MYNN: variants seen among roughly 807,000 people sequenced by gnomAD.
MYNN encodes myoneurin.
MYNN carries 22 observed loss-of-function variants against 57.2 expected under a neutral mutation model. The observed-to-expected ratio is 0.38, with a 90% CI of 0.27 to 0.55. The LOEUF is 0.55. Ranked by LOEUF, MYNN falls within the 20% of genes least tolerant of loss-of-function variation. The probability of loss-of-function intolerance (pLI) is 0.71; values close to 1 mark genes in which losing one functional copy is unlikely to be tolerated. For missense variants in MYNN, 566 were observed against 723.1 expected (o/e 0.78, Z 2.49); for synonymous variants, 241 against 257.1 (o/e 0.94, Z 0.60).
intron 3 of MYNN, 81 bp from the exon 4 acceptor site, chr3:169,780,509 A>T: frequency 1.0e-6 from 1 of 965,848 alleles, no homozygotes; most frequent in Non-Finnish European, 1.5e-6. Context: ...TAACAAAGCT[A>T]GTACTGTTGA....
chr3:169,775,534 TCA>T (rs1019504408), intron 2 of MYNN, among the ~76,000 whole-genome samples: 1 of 152,200 alleles, frequency 6.6e-6, no homozygotes, highest in African/African-American at 2.4e-5. Flanking sequence ...TCTCTGGGCC[TCA>T]GTTTCCCCAT....
chr3:169,781,833 T>C (rs996782565), intron 4 of MYNN, among the ~76,000 whole-genome samples: 2 of 151,980 alleles, frequency 1.3e-5, no homozygotes, highest in African/African-American at 4.8e-5. Context: ...GATAGAACAC[T>C]TGGAGTCTCA....
At chr3:169,781,772 C>A (rs1577398797) in intron 4 of MYNN, among the ~76,000 whole-genome samples, 1 of 152,090 alleles carries the variant, frequency 6.6e-6, no homozygotes, top group Non-Finnish European at 1.5e-5. Context: ...GTCAGCAGTG[C>A]TCTTGACAAA....
At position 169,788,429 on chromosome 3, in the gene MYNN, TAGGA is replaced by T. The variant is rs1440309786; in HGVS notation, c.*1753_*1756del. 6.6e-6 allele frequency: 1 copy of T among 152,180 alleles called. No homozygotes were observed. The highest frequency in any genetic ancestry group is 1.5e-5 in the Non-Finnish European group (1 of 67,992). 9.4% of individuals were successfully genotyped at this position (152,180 alleles called of 1,614,324 possible). On this transcript the variant is annotated 3_prime_UTR_variant, in exon 8 of 8. Coordinates refer to ENST00000349841, the MANE Select transcript of MYNN (RefSeq NM_018657.5). ...CTAATCTCTTCTGGGTTAAATGTGA[TAGGA>T]ATGTATTGGAATGTGAAGAAATTAT...
intron 6 of MYNN, 32 bp downstream of exon 6, chr3:169,783,592 G>C: frequency 6.8e-7 from 1 of 1,470,086 alleles, no homozygotes; most frequent in Non-Finnish European, 9.5e-7. Flanking sequence ...ATTATTTTTT[G>C]TTCTCTCTTA....
rs765062823 is a variant in MYNN at position 169,774,546 on chromosome 3, C to T, written c.251C>T (p.Thr84Ile). 1 of 1,611,346 alleles carries T rather than the reference C, an allele frequency of 6.2e-7. No individual in the cohort carries two copies. The highest frequency in any genetic ancestry group is 8.5e-7 in the Non-Finnish European group (1 of 1,177,968). The change falls in exon 2 of 8, where the codon ACT (threonine) becomes ATT (isoleucine). Residue 84 changes from threonine (T) to isoleucine (I), a missense_variant. Around this residue, in one of 4 missense-constraint regions of MYNN, gnomAD observed 261 missense variants for 280.8 expected, o/e 0.93. Coordinates refer to ENST00000349841, the MANE Select transcript of MYNN (RefSeq NM_018657.5). Reference protein sequence around the residue: ...QKLLEFIYTGTLNLDSWNVKE... With the variant: ...QKLLEFIYTGILNLDSWNVKE... ...CTGTTGGAGTTTATATACACAGGAA[C>T]TTTAAATCTTGACAGGTAAAGTACA...
intron 2 of MYNN, among the ~76,000 whole-genome samples, chr3:169,775,557 G>A (rs1412324872): frequency 2.0e-5 from 3 of 152,152 alleles, no homozygotes; most frequent in African/African-American, 7.2e-5. Flanking sequence ...CTGTCAAAAT[G>A]AGATGGTAAT....
In MYNN at chr3:169,782,717, G is replaced by A. The variant is rs541917451; in HGVS notation, c.1399+74G>A. 9.8e-5 allele frequency: 120 copies of A among 1,222,724 alleles called. No individual in the cohort carries two copies. In the Middle Eastern group the frequency reaches 2.2e-3, roughly 23 times the overall value. 75.7% of individuals were successfully genotyped at this position (1,222,724 alleles called of 1,614,324 possible). ...AAAAAGGGGACTTGGGCCTTTTAGC[G>A]AAGTAGATCGGAAACTTTGTAGTTA... is the stretch of plus-strand genomic sequence containing the variant. On this transcript the variant is annotated intron_variant, in intron 5 of 7. Coordinates refer to ENST00000349841, the MANE Select transcript of MYNN (RefSeq NM_018657.5). This position sits in a 1 kb window ranked among gnomAD's most constrained non-coding sequence, Gnocchi z 4.8.
chr3:169,787,488 A>G lies in MYNN; in HGVS notation c.*810A>G, dbSNP rs1199630350. The G allele has an allele frequency of 1.3e-5, 2 of 152,126 alleles. No homozygotes were observed. Among genetic ancestry groups the G allele is most frequent in the African/African-American group, 4.8e-5 (2 of 41,450 alleles). The allele number at this position is 152,126 out of a possible 1,614,324, so 9.4% of individuals were successfully genotyped here. A position where few individuals can be genotyped will look rare whatever the true frequency, so the allele number is the denominator to read the frequency against. On this transcript the variant is annotated 3_prime_UTR_variant, in exon 8 of 8. Transcript: ENST00000349841. Reference sequence around the variant, plus strand: ...GGAAAATGTACTTGAGTTTTGAAATATTTTGGTAAGCCTCTCTTACTCCTG... The same window carrying G: ...GGAAAATGTACTTGAGTTTTGAAATGTTTTGGTAAGCCTCTCTTACTCCTG...
Position 169,774,982 on chromosome 3 carries a change from G to A in MYNN, c.266+421G>A, listed in dbSNP as rs576934527. ...GCCTCCCTAGTAACTGGGACTACAG[G>A]TGTGCACTACCACACCTGGCTAATT... On this transcript the variant is annotated intron_variant, in intron 2 of 7. Transcript: ENST00000349841. 6.6e-5 allele frequency among the ~76,000 whole-genome samples: 10 copies of A among 152,196 alleles called. No individual in the cohort carries two copies. In the East Asian group the frequency reaches 1.9e-3, roughly 29 times the overall value.
At position 169,784,645 on chromosome 3, in the gene MYNN, T is replaced by G; in HGVS notation, c.1507T>G (p.Leu503Val). 1 of 1,576,468 alleles carries G rather than the reference T, an allele frequency of 6.3e-7. No individual in the cohort carries two copies. The highest frequency in any genetic ancestry group is 1.2e-5 in the South Asian group (1 of 84,694). The change falls in exon 7 of 8, where the codon TTA (leucine) becomes GTA (valine). Residue 503 changes from leucine to valine, a missense_variant. Physicochemically the swap from Leu to Val is conservative, Grantham distance 32. Around this residue, in one of 4 missense-constraint regions of MYNN, gnomAD observed 156 missense variants for 163.9 expected, o/e 0.95. Transcript: ENST00000349841. ...HTGERPFICELCGNSYTDIKN... is the reference protein window; with the variant it reads ...HTGERPFICEVCGNSYTDIKN... ...AGGAGAAAGACCATTTATCTGCGAA[T>G]TATGTGGAAATTCTTACACAGATAT...
Position 169,783,917 on chromosome 3 carries a change from G to A in MYNN, c.1483+357G>A. On this transcript the variant is annotated intron_variant, in intron 6 of 7. Transcript: ENST00000349841. Reference sequence around the variant, plus strand: ...AACAGTGTTTAGTATGCAATTTTTAGGAACAAATTTTAATTTTGACATGCT... The same window carrying A: ...AACAGTGTTTAGTATGCAATTTTTAAGAACAAATTTTAATTTTGACATGCT... 12 of 241,784 alleles carry A rather than the reference G, an allele frequency of 5.0e-5. No individual in the cohort carries two copies. The East Asian group carries it at 6.4e-4, about 13-fold the overall frequency. The allele number at this position is 241,784 out of a possible 1,614,324, so 15.0% of individuals were successfully genotyped here.
At chr3:169,774,662 T>C (rs1560584960) in intron 2 of MYNN, 101 bp downstream of exon 2, 1 of 1,090,640 alleles carries the variant, frequency 9.2e-7, no homozygotes, top group African/African-American at 1.6e-5. Flanking sequence ...ACTCAAATTC[T>C]TCACCTATTT....
intron 6 of MYNN, 99 bp downstream of exon 6, chr3:169,783,659 T>TC: frequency 1.2e-6 from 1 of 818,194 alleles, no homozygotes; most frequent in Non-Finnish European, 2.2e-6. Flanking sequence ...TGGTATTTAG[T>TC]CATACTGTAC....
intron 4 of MYNN, among the ~76,000 whole-genome samples, chr3:169,781,632 A>G (rs916131670): frequency 6.6e-6 from 1 of 152,194 alleles, no homozygotes; most frequent in Non-Finnish European, 1.5e-5. Context: ...GTAGAGGAGG[A>G]AAACCAGGAA....
rs748585458 is a variant in MYNN, at chr3:169,782,574, G to A, written c.1330G>A (p.Val444Ile). 56 of 1,613,902 alleles carry A rather than the reference G, an allele frequency of 3.5e-5. 2 individuals carry two copies. In the South Asian group the frequency reaches 4.8e-4, roughly 14 times the overall value. ...TAGGCATACTGGAGAAAAGCCTTAT[G>A]TATGTGATACCTGTGGGAAGGCATT... ...VRRHTGEKPY[V>I]CDTCGKAFAV... The change falls in exon 5 of 8, where the codon GTA becomes ATA. Residue 444 changes from valine (V) to isoleucine (I), a missense_variant. By Grantham distance (29) the Val-to-Ile change is conservative. Coordinates refer to ENST00000349841, the MANE Select transcript of MYNN (RefSeq NM_018657.5). This position sits in a 1 kb window ranked among gnomAD's most constrained non-coding sequence, Gnocchi z 4.8.
intron 2 of MYNN, among the ~76,000 whole-genome samples, chr3:169,775,133 A>C (rs560333278): frequency 6.6e-6 from 1 of 152,100 alleles, no homozygotes; most frequent in African/African-American, 2.4e-5. Flanking sequence ...TGTCTCCCTC[A>C]TTCTGACTCC....
rs942162144 is a variant in MYNN, at chr3:169,787,968, T to A, written c.*1290T>A. 6 of 151,904 alleles carry A rather than the reference T, an allele frequency of 3.9e-5. No homozygotes were observed. Among genetic ancestry groups the A allele is most frequent in the Admixed American group, 3.9e-4 (6 of 15,226 alleles). 9.4% of individuals were successfully genotyped at this position (151,904 alleles called of 1,614,324 possible). ...AACAGCATGGTGATATTCTTTTTCT[T>A]TTTTTTTCCCCCCACAAGGCTGTTG... On this transcript the variant is annotated 3_prime_UTR_variant, in exon 8 of 8. Coordinates refer to ENST00000349841, the MANE Select transcript of MYNN (RefSeq NM_018657.5).
At chr3:169,773,919 C>T in intron 1 of MYNN, 1 of 194,328 alleles carries the variant, frequency 5.1e-6, no homozygotes, top group Non-Finnish European at 1.1e-5. Context: ...CCCAAGAGAT[C>T]ATGTCTTAGT....
Sources: allele counts gnomAD v4.1 joint callset (sites outside exome capture counted in the v4.1 genomes callset), GRCh38; gene constraint gnomAD v4.1.1; regional missense constraint gnomAD v4.1.1; non-coding constraint Gnocchi (gnomAD v3.1); transcripts MANE v1.5; gene names NCBI Gene and HGNC (gene_info 2026-07-23, HGNC 2026-07-21).